PRKG1: variants seen among roughly 807,000 people sequenced by gnomAD.
PRKG1 encodes the protein cGMP-dependent protein kinase 1.
In PRKG1, 35 loss-of-function variants were observed where a neutral mutation model predicts 88.1. That is an observed-to-expected ratio of 0.40 (90% CI 0.30 to 0.53). The LOEUF (loss-of-function observed/expected upper bound fraction) is 0.53, where lower values mean the gene tolerates loss of function less well. PRKG1 is among the 20% of genes least tolerant of loss of function. The pLI is 0.59. For synonymous variants in PRKG1, 303 were observed against 292.5 expected (o/e 1.04, Z -0.37); for missense variants, 540 against 839.8 (o/e 0.64, Z 4.41).
At chr10:51,591,028 T>G (rs1341180649) in intron 3 of PRKG1, among the ~76,000 whole-genome samples, 1 of 152,052 alleles carries the variant, frequency 6.6e-6, no homozygotes, top group Admixed American at 6.6e-5. Flanking sequence ...AGATGGTAAA[T>G]AGTTTAACAA....
chr10:51,446,978 C>T (rs1227781741), intron 2 of PRKG1, among the ~76,000 whole-genome samples: 1 of 152,036 alleles, frequency 6.6e-6, no homozygotes. Context: ...AAGTAGTACA[C>T]ATCTGCAAGC....
rs1838633741 is a variant in PRKG1 at position 52,170,412 on chromosome 10, T to C, written c.1076+8449T>C. 3.9e-5 allele frequency among the ~76,000 whole-genome samples: 6 copies of C among 152,182 alleles called. No homozygotes were observed. The South Asian group carries it at 1.2e-3, about 32-fold the overall frequency. On this transcript the variant is annotated intron_variant, in intron 9 of 17. Transcript: ENST00000373980. ...GTAAACAAGAAAGATGTATCTATGG[T>C]AGTGAACCAGAGATAAGGCTAGTAT...
rs148936773 is a variant in PRKG1 at position 51,131,148 on chromosome 10, G to T, written c.312-22016G>T. Among the ~76,000 whole-genome samples, 316 of 152,096 alleles carry T rather than the reference G, an allele frequency of 2.1e-3. 2 individuals are homozygous for T. The highest frequency in any genetic ancestry group is 7.4e-3 in the African/African-American group (306 of 41,518). On this transcript the variant is annotated intron_variant, in intron 1 of 17. Transcript: ENST00000373980. The stretch of plus-strand genomic sequence containing the variant: ...CTGAAATATTTGTATGGCACGTTTT[G>T]GTTTGATTTCCTTCATTCATAATTT...
intron 2 of PRKG1, among the ~76,000 whole-genome samples, chr10:51,418,508 C>G (rs1838310227): frequency 6.6e-6 from 1 of 152,156 alleles, no homozygotes; most frequent in Non-Finnish European, 1.5e-5. Context: ...ACATACGGAC[C>G]TAACTACAGA....
At chr10:51,736,996 C>G (rs1411116208) in intron 3 of PRKG1, among the ~76,000 whole-genome samples, 1 of 152,124 alleles carries the variant, frequency 6.6e-6, no homozygotes. Context: ...GTTCACCATC[C>G]TTCAATACTT....
intron 2 of PRKG1, among the ~76,000 whole-genome samples, chr10:51,250,452 G>T (rs898438791): frequency 2.6e-5 from 4 of 151,752 alleles, no homozygotes; most frequent in African/African-American, 9.7e-5. Context: ...CAAAAGCAAA[G>T]ACCTTTCATG....
chr10:51,218,665 AT>A, intron 2 of PRKG1, among the ~76,000 whole-genome samples: 1 of 151,588 alleles, frequency 6.6e-6, no homozygotes, highest in African/African-American at 2.4e-5. Context: ...TAGAAATATT[AT>A]TTTATGAGGT....
chr10:51,636,627 C>A (rs1010759700), intron 3 of PRKG1, among the ~76,000 whole-genome samples: 1 of 152,148 alleles, frequency 6.6e-6, no homozygotes, highest in Non-Finnish European at 1.5e-5. Context: ...GAATGATGAG[C>A]TTTGGGCACT....
intron 4 of PRKG1, among the ~76,000 whole-genome samples, chr10:51,845,858 C>T (rs555750163): frequency 2.2e-4 from 34 of 152,182 alleles, no homozygotes; most frequent in African/African-American, 7.7e-4. Flanking sequence ...CTCAGTGTTA[C>T]ATGTTTGAGG....
chr10:50,996,157 A>G (rs1039377268), intron 1 of PRKG1, among the ~76,000 whole-genome samples: 8 of 152,234 alleles, frequency 5.3e-5, no homozygotes, highest in East Asian at 1.9e-4. Flanking sequence ...TAGCAATCTT[A>G]GAGCTGTGCT....
intron 5 of PRKG1, among the ~76,000 whole-genome samples, chr10:52,034,414 A>T (rs1204503410): frequency 1.4e-5 from 2 of 145,992 alleles, no homozygotes; most frequent in East Asian, 2.1e-4. Flanking sequence ...TATTGTGGGG[A>T]TGTTAGAAGA....
chr10:51,530,583 G>A (rs1020397526), intron 3 of PRKG1, among the ~76,000 whole-genome samples: 1 of 152,028 alleles, frequency 6.6e-6, no homozygotes, highest in African/African-American at 2.4e-5. Flanking sequence ...TTCAACTGAG[G>A]TGACCGTCAT....
chr10:51,827,471 TG>T (rs1482941581), intron 4 of PRKG1, among the ~76,000 whole-genome samples: 2 of 152,144 alleles, frequency 1.3e-5, no homozygotes, highest in African/African-American at 4.8e-5. Flanking sequence ...GATCCTTCAA[TG>T]TAGAAAAGAT....
At chr10:51,735,887 T>TATATATATATATA (rs1564626598) in intron 3 of PRKG1, among the ~76,000 whole-genome samples, 2 of 125,984 alleles carry the variant, frequency 1.6e-5, no homozygotes, top group African/African-American at 7.2e-5. Context: ...ATATGTATAT[T>TATATATATATATA]TATTTATTTA....
chr10:51,085,116 T>C (rs1385559150), intron 1 of PRKG1, among the ~76,000 whole-genome samples: 1 of 152,186 alleles, frequency 6.6e-6, no homozygotes, highest in Non-Finnish European at 1.5e-5. Flanking sequence ...CTGGAGTAAT[T>C]GCTACAGATG....
chr10:51,151,490 C>T (rs772511929), intron 1 of PRKG1, among the ~76,000 whole-genome samples: 1 of 151,674 alleles, frequency 6.6e-6, no homozygotes, highest in Non-Finnish European at 1.5e-5. Flanking sequence ...GTAAGACAAC[C>T]CACTCAAAAT....
intron 1 of PRKG1, among the ~76,000 whole-genome samples, chr10:51,024,772 G>A (rs992622035): frequency 7.2e-5 from 11 of 152,114 alleles, no homozygotes; most frequent in Non-Finnish European, 1.3e-4. Flanking sequence ...AGGGAAACGG[G>A]TAGGTACGAC....
intron 1 of PRKG1, among the ~76,000 whole-genome samples, chr10:51,129,696 A>G (rs1177194849): frequency 1.3e-5 from 2 of 152,318 alleles, no homozygotes; most frequent in African/African-American, 4.8e-5. Flanking sequence ...GGAACCATGC[A>G]TATATTTTAG....
chr10:52,043,440 T>C (rs1845794107), intron 5 of PRKG1, among the ~76,000 whole-genome samples: 1 of 152,056 alleles, frequency 6.6e-6, no homozygotes, highest in South Asian at 2.1e-4. Flanking sequence ...CTGGAGGACA[T>C]TAAGTGAAAT....
Sources: gnomAD v4.1 joint callset for allele counts (sites outside exome capture counted in the v4.1 genomes callset) on GRCh38, gnomAD v4.1.1 for gene constraint, MANE v1.5 for transcripts, NCBI Gene and HGNC (gene_info 2026-07-23, HGNC 2026-07-21) for gene names.